FILIP1L: variants seen among roughly 807,000 people sequenced by gnomAD.
FILIP1L encodes filamin A-interacting protein 1-like.
Under a neutral mutation model 96.6 loss-of-function variants are expected in FILIP1L, and 55 were observed. The observed-to-expected ratio is 0.57, with a 90% CI of 0.46 to 0.71. The LOEUF (loss-of-function observed/expected upper bound fraction) is 0.71. Ranked by LOEUF, FILIP1L falls within the 30% of genes least tolerant of loss-of-function variation. The probability of loss-of-function intolerance (pLI) is 0.00; values close to 1 mark genes in which losing one functional copy is unlikely to be tolerated. For missense variants in FILIP1L, 1,304 were observed against 1,321.2 expected, an observed-to-expected ratio of 0.99 and a Z score of 0.20; for synonymous variants, 467 against 473.9, an observed-to-expected ratio of 0.99 and a Z score of 0.19.
intron 4 of FILIP1L, among the ~76,000 whole-genome samples, chr3:99,903,759 C>T (rs1376135650): frequency 6.6e-6 from 1 of 152,042 alleles, no homozygotes; most frequent in Non-Finnish European, 1.5e-5. Context: ...GGATCAGTGA[C>T]GTGGCCCCCA....
intron 1 of FILIP1L, among the ~76,000 whole-genome samples, chr3:100,053,273 C>T (rs1302897030): frequency 1.3e-5 from 2 of 152,180 alleles, no homozygotes; most frequent in Non-Finnish European, 2.9e-5. Flanking sequence ...AATATATACT[C>T]TCACAGTTCT....
intron 4 of FILIP1L, among the ~76,000 whole-genome samples, chr3:99,923,654 G>T (rs1020386968): frequency 6.6e-6 from 1 of 151,992 alleles, no homozygotes; most frequent in African/African-American, 2.4e-5. Flanking sequence ...AGTTTCCTGC[G>T]CCCAGTCTAA....
At chr3:99,958,587 A>G (rs1708405530) in intron 1 of FILIP1L, among the ~76,000 whole-genome samples, 1 of 152,186 alleles carries the variant, frequency 6.6e-6, no homozygotes, top group East Asian at 1.9e-4. Context: ...GTCTACGGTT[A>G]GTAGAATTAG....
At chr3:99,835,772 C>T (rs961194164) in intron 5 of FILIP1L, among the ~76,000 whole-genome samples, 7 of 152,032 alleles carry the variant, frequency 4.6e-5, no homozygotes, top group Non-Finnish European at 5.9e-5. Flanking sequence ...GGTAGAATGA[C>T]GTGCAATAAT....
intron 1 of FILIP1L, among the ~76,000 whole-genome samples, chr3:100,039,431 A>C (rs1209970131): frequency 6.6e-6 from 1 of 152,224 alleles, no homozygotes; most frequent in Non-Finnish European, 1.5e-5. Context: ...TAAAGATTTC[A>C]GTGGAGTTCT....
At chr3:99,846,155 C>T (rs1227557718) in intron 5 of FILIP1L, among the ~76,000 whole-genome samples, 2 of 152,278 alleles carry the variant, frequency 1.3e-5, no homozygotes, top group Admixed American at 6.5e-5. Flanking sequence ...TTCCCTCCCC[C>T]CGTCCCCCAC....
chr3:100,107,728 A>G (rs1372578234), intron 1 of FILIP1L, among the ~76,000 whole-genome samples: 2 of 152,072 alleles, frequency 1.3e-5, no homozygotes, highest in African/African-American at 4.8e-5. Context: ...AGGAAGAGTC[A>G]TTTCCCATTA....
chr3:100,055,917 C>G (rs909928013), intron 1 of FILIP1L, among the ~76,000 whole-genome samples: 67 of 152,226 alleles, frequency 4.4e-4, no homozygotes, highest in African/African-American at 1.5e-3. Context: ...GTATAGTACC[C>G]TCATTTTTCT....
intron 3 of FILIP1L, among the ~76,000 whole-genome samples, chr3:99,928,920 A>G (rs568020848): frequency 1.1e-3 from 166 of 152,314 alleles, no homozygotes; most frequent in African/African-American, 3.8e-3. Context: ...GATACATATG[A>G]CCAAACTCCT....
At chr3:100,058,827 T>C (rs113367742) in intron 1 of FILIP1L, among the ~76,000 whole-genome samples, 1 of 152,222 alleles carries the variant, frequency 6.6e-6, no homozygotes, top group Admixed American at 6.5e-5. Flanking sequence ...CAGTTTCATA[T>C]GTGAAGTTTA....
rs534877779 is a variant in FILIP1L at position 99,866,171 on chromosome 3, G to T, written c.606-15101C>A. Among the ~76,000 whole-genome samples, 116 of 144,028 alleles carry T rather than the reference G, an allele frequency of 8.1e-4. 3 individuals are homozygous for T. The East Asian group carries it at 0.023, about 28-fold the overall frequency. The allele number at this position is 144,028 out of a possible 152,430, so 94.5% of individuals were successfully genotyped here. On this transcript the variant is annotated intron_variant, in intron 4 of 5. Coordinates refer to ENST00000477258, the MANE Select transcript of FILIP1L (RefSeq NM_001387850.1). ...AAGTTAAAACTTTTTTTAAGCCTGTGTTTTTTTTTTTAAAGGCTTTCCTTT... is the reference window on the plus strand; with the variant it reads ...AAGTTAAAACTTTTTTTAAGCCTGTTTTTTTTTTTTTAAAGGCTTTCCTTT...
intron 1 of FILIP1L, among the ~76,000 whole-genome samples, chr3:99,993,318 C>T (rs745957788): frequency 2.0e-5 from 3 of 151,982 alleles, no homozygotes; most frequent in Non-Finnish European, 4.4e-5. Flanking sequence ...TCTACAACTT[C>T]TTTCAGTTTT....
intron 1 of FILIP1L, among the ~76,000 whole-genome samples, chr3:99,997,239 G>A (rs1006449619): frequency 1.3e-5 from 2 of 151,932 alleles, no homozygotes; most frequent in Admixed American, 6.6e-5. Flanking sequence ...CCAAGAAGAA[G>A]GTCCAAATAA....
intron 4 of FILIP1L, among the ~76,000 whole-genome samples, chr3:99,896,191 A>G (rs1559679749): frequency 6.6e-6 from 1 of 152,228 alleles, no homozygotes; most frequent in Non-Finnish European, 1.5e-5. Flanking sequence ...CTATTTCATG[A>G]TACATAAAGG....
intron 1 of FILIP1L, among the ~76,000 whole-genome samples, chr3:100,028,196 AATG>A (rs2064961879): frequency 6.6e-6 from 1 of 152,184 alleles, no homozygotes; most frequent in African/African-American, 2.4e-5. Context: ...CATTGAGTTA[AATG>A]ATATCATTAT....
At chr3:99,868,390 A>G (rs1944623610) in intron 4 of FILIP1L, among the ~76,000 whole-genome samples, 1 of 152,174 alleles carries the variant, frequency 6.6e-6, no homozygotes, top group Admixed American at 6.5e-5. Flanking sequence ...ACTGCATCCT[A>G]CAAAGGACCT....
intron 1 of FILIP1L, among the ~76,000 whole-genome samples, chr3:99,954,415 A>G (rs1708262481): frequency 6.6e-6 from 1 of 152,252 alleles, no homozygotes. Context: ...TAACACAAAC[A>G]AGGGACATTA....
At chr3:100,028,588 A>G (rs2107253287) in intron 1 of FILIP1L, among the ~76,000 whole-genome samples, 1 of 152,348 alleles carries the variant, frequency 6.6e-6, no homozygotes, top group East Asian at 1.9e-4. Flanking sequence ...TTTTAAAAAT[A>G]ATATGTATTT....
intron 4 of FILIP1L, among the ~76,000 whole-genome samples, chr3:99,857,962 C>T (rs147724120): frequency 6.6e-6 from 1 of 152,168 alleles, no homozygotes; most frequent in Non-Finnish European, 1.5e-5. Context: ...ATAGAGGATC[C>T]TATTCTCAAA....
Sources: allele counts gnomAD v4.1 joint callset (sites outside exome capture counted in the v4.1 genomes callset), GRCh38; gene constraint gnomAD v4.1.1; transcripts MANE v1.5; gene names NCBI Gene and HGNC (gene_info 2026-07-23, HGNC 2026-07-21).